CENPC: variants seen among roughly 807,000 people sequenced by gnomAD.
The protein encoded by CENPC is CENP-C 1.
In CENPC, 63 loss-of-function variants were observed where a neutral mutation model predicts 112.1. The observed-to-expected ratio is 0.56, with a 90% CI of 0.46 to 0.69. The LOEUF is 0.69. Ranked by LOEUF, CENPC falls within the 30% of genes least tolerant of loss-of-function variation. CENPC has a pLI of 0.00. For synonymous variants in CENPC, 333 were observed against 367.6 expected (o/e 0.91, Z 1.08); for missense variants, 1,000 against 1,103.8 (o/e 0.91, Z 1.33).
chr4:67,511,121 C>A (rs1363950362), intron 9 of CENPC: 1 of 450,218 alleles, frequency 2.2e-6, no homozygotes, highest in African/African-American at 2.0e-5. Context: ...GCATTTAAAC[C>A]TTATAAAAAC....
intron 8 of CENPC, 114 bp from the exon 9 acceptor site, chr4:67,512,683 G>C (rs972290007): frequency 2.9e-6 from 2 of 681,230 alleles, no homozygotes; most frequent in Non-Finnish European, 4.6e-6. Flanking sequence ...TTATCCTGTG[G>C]CCTTTTCATC....
chr4:67,505,810 G>A (rs1725715500), intron 11 of CENPC, among the ~76,000 whole-genome samples: 1 of 152,066 alleles, frequency 6.6e-6, no homozygotes, highest in African/African-American at 2.4e-5. Context: ...ATAACTGACA[G>A]TTGAGCATCA....
rs2109753499 is a variant in CENPC, at chr4:67,471,187, C to T, written c.*1418G>A. On this transcript the variant is annotated 3_prime_UTR_variant, in exon 19 of 19. Transcript: ENST00000273853. ...AAGCTATGCAGACACAGGAACTACC[C>T]CTAGCAAGCAAGAATAAATATTGAA... The T allele has an allele frequency of 6.6e-6, 1 of 152,244 alleles. No individual in the cohort carries two copies. Among genetic ancestry groups the T allele is most frequent in the East Asian group, 1.9e-4 (1 of 5,190 alleles). 9.4% of individuals were successfully genotyped at this position (152,244 alleles called of 1,614,324 possible).
chr4:67,514,371 T>C lies in CENPC; in HGVS notation c.1147A>G (p.Thr383Ala), dbSNP rs1403270521. Residue 383 changes from threonine (T) to alanine (A), a missense_variant, in exon 8 of 19, where the codon ACA (threonine) becomes GCA (alanine). Physicochemically the swap from Thr to Ala is moderately conservative, Grantham distance 58 (BLOSUM62 0). Coordinates refer to ENST00000273853, the MANE Select transcript of CENPC (RefSeq NM_001812.4). ...SQPSDKTVLD[T>A]SYALIGETVN... ...GTTTCACCTATCAAAGCATAACTTG[T>C]ATCCAGTACTGTTTTATCAGAGGGC... 1.9e-6 allele frequency: 3 copies of C among 1,613,102 alleles called. No individual in the cohort carries two copies. The highest frequency in any genetic ancestry group is 4.5e-5 in the East Asian group (2 of 44,844).
At chr4:67,475,635 G>C (rs988597946) in intron 17 of CENPC, among the ~76,000 whole-genome samples, 1 of 152,196 alleles carries the variant, frequency 6.6e-6, no homozygotes, top group Non-Finnish European at 1.5e-5. Flanking sequence ...GTCTCACTCT[G>C]TCATCCAGGC....
At chr4:67,517,986 T>A (rs1450847239) in intron 7 of CENPC, among the ~76,000 whole-genome samples, 170 bp downstream of exon 7, 1 of 152,172 alleles carries the variant, frequency 6.6e-6, no homozygotes, top group African/African-American at 2.4e-5. Flanking sequence ...TGGGAGTGAC[T>A]CACTGACTGG....
intron 5 of CENPC, among the ~76,000 whole-genome samples, chr4:67,521,456 T>A (rs1726227397): frequency 6.6e-6 from 1 of 152,164 alleles, no homozygotes; most frequent in Non-Finnish European, 1.5e-5. Flanking sequence ...ATAACAGTGA[T>A]GTAAAACAAA....
chr4:67,476,674 G>T (rs1463776868), intron 17 of CENPC, among the ~76,000 whole-genome samples: 2 of 152,194 alleles, frequency 1.3e-5, no homozygotes, highest in African/African-American at 2.4e-5. Flanking sequence ...GCAGAATTGG[G>T]GGAAGGGCGA....
At chr4:67,540,924 A>C in intron 3 of CENPC, 56 bp downstream of exon 3, 1 of 1,171,630 alleles carries the variant, frequency 8.5e-7, no homozygotes, top group Non-Finnish European at 1.3e-6. Flanking sequence ...TTACCATGAC[A>C]AATTCATATT....
intron 5 of CENPC, among the ~76,000 whole-genome samples, chr4:67,528,700 G>A (rs1231477456): frequency 6.6e-6 from 1 of 152,118 alleles, no homozygotes; most frequent in Non-Finnish European, 1.5e-5. Context: ...TAAATCACAT[G>A]CTGTTTATCC....
chr4:67,508,249 T>C (rs1035196902), intron 10 of CENPC, among the ~76,000 whole-genome samples: 2 of 152,136 alleles, frequency 1.3e-5, no homozygotes, highest in African/African-American at 4.8e-5. Context: ...TTTTGTCTGT[T>C]TGTTTTTTGA....
intron 16 of CENPC, 111 bp from the exon 17 acceptor site, chr4:67,490,232 G>C (rs902069346): frequency 5.3e-5 from 38 of 713,416 alleles, no homozygotes; most frequent in Middle Eastern, 3.4e-4. Flanking sequence ...ATCTGCCTTA[G>C]AGAGTTGTTT....
At position 67,470,725 on chromosome 4, in the gene CENPC, G is replaced by A. The variant is rs780002414; in HGVS notation, c.*1880C>T. On this transcript the variant is annotated 3_prime_UTR_variant, in exon 19 of 19. Transcript: ENST00000273853. ...GTAAAAACTACAGTTTTGTCTGGCT[G>A]TAGCTAACTGAAAAACTAGCAACTT... 1.3e-5 allele frequency: 2 copies of A among 152,186 alleles called. No homozygotes were observed. Among genetic ancestry groups the A allele is most frequent in the Non-Finnish European group, 2.9e-5 (2 of 68,054 alleles). The allele number at this position is 152,186 out of a possible 1,614,324, so 9.4% of individuals were successfully genotyped here.
Position 67,491,446 on chromosome 4 carries a change from CATATATATATATATATATAT to C in CENPC, c.2515+714_2515+733del, listed in dbSNP as rs58687245. 6.1e-3 allele frequency among the ~76,000 whole-genome samples: 224 copies of C among 36,558 alleles called. 2 individuals carry two copies. Among genetic ancestry groups the C allele is most frequent in the African/African-American group, 0.02 (186 of 9,380 alleles). 24.0% of individuals were successfully genotyped at this position (36,558 alleles called of 152,430 possible). On this transcript the variant is annotated intron_variant, in intron 16 of 18. Transcript: ENST00000273853. ...CAGTTGTTAATATATTTAAATATTT[CATATATATATATATATATAT>C]ATATATATATATATAGAGAGAGAGA...
chr4:67,536,618 T>C (rs1726725709), intron 4 of CENPC, among the ~76,000 whole-genome samples: 1 of 152,034 alleles, frequency 6.6e-6, no homozygotes, highest in Admixed American at 6.6e-5. Context: ...ATTTCATTCC[T>C]TATGTGGAAG....
chr4:67,473,227 G>A (rs1481146411), intron 18 of CENPC, among the ~76,000 whole-genome samples: 2 of 151,820 alleles, frequency 1.3e-5, no homozygotes, highest in African/African-American at 2.4e-5. Context: ...CACCGCGCCC[G>A]GCCAAAATCT....
At chr4:67,535,102 T>C (rs1293955975) in intron 4 of CENPC, among the ~76,000 whole-genome samples, 1 of 151,960 alleles carries the variant, frequency 6.6e-6, no homozygotes, top group Non-Finnish European at 1.5e-5. Flanking sequence ...CATTTGTAAG[T>C]CTAAGGGAAA....
In CENPC at chr4:67,518,234, T is replaced by C; in HGVS notation, c.752A>G (p.Glu251Gly). 6.4e-7 allele frequency: 1 copy of C among 1,559,456 alleles called. No individual in the cohort carries two copies. Among genetic ancestry groups the C allele is most frequent in the South Asian group, 1.2e-5 (1 of 83,370 alleles). The part of the protein sequence containing the change: ...GSSQNRIRDS[E>G]YEIQRQAKKS... Reference sequence around the variant, plus strand: ...TTTAGCTTGTCGTTGAATTTCATATTCTGAATCTCGTATTCTATTCTGAGA... The same window carrying C: ...TTTAGCTTGTCGTTGAATTTCATATCCTGAATCTCGTATTCTATTCTGAGA... Residue 251 changes from glutamate (E) to glycine (G), a missense_variant, in exon 7 of 19, where the codon GAA becomes GGA. By Grantham distance (98) the Glu-to-Gly change is moderately conservative. Coordinates refer to ENST00000273853, the MANE Select transcript of CENPC (RefSeq NM_001812.4).
chr4:67,484,549 G>C (rs1725036460), intron 17 of CENPC, among the ~76,000 whole-genome samples: 2 of 152,138 alleles, frequency 1.3e-5, no homozygotes, highest in Admixed American at 1.3e-4. Context: ...GAACCCTATT[G>C]TGAAATGTGC....
Sources: allele counts gnomAD v4.1 joint callset (sites outside exome capture counted in the v4.1 genomes callset), GRCh38; gene constraint gnomAD v4.1.1; transcripts MANE v1.5; gene names NCBI Gene and HGNC (gene_info 2026-07-23, HGNC 2026-07-21).